FBXW2: variants seen among roughly 807,000 people sequenced by gnomAD.
FBXW2 encodes the protein F-box/WD repeat-containing protein 2.
In FBXW2, 12 loss-of-function variants were observed where a neutral mutation model predicts 46.0. That is an observed-to-expected ratio of 0.26 (90% CI 0.17 to 0.42). FBXW2 has a LOEUF of 0.42. FBXW2 is among the 10% of genes least tolerant of loss of function. The pLI is 1.00. For missense variants in FBXW2, 360 were observed against 537.0 expected (o/e 0.67, Z 3.26); for synonymous variants, 203 against 209.6 (o/e 0.97, Z 0.27).
chr9:120,772,307 A>G (rs1191252206), intron 6 of FBXW2, among the ~76,000 whole-genome samples: 1 of 152,016 alleles, frequency 6.6e-6, no homozygotes, highest in Non-Finnish European at 1.5e-5. Context: ...AGCCTGGCCA[A>G]TATGGTGAAC....
intron 3 of FBXW2, among the ~76,000 whole-genome samples, chr9:120,782,600 A>T (rs2044639104): frequency 6.6e-6 from 1 of 152,160 alleles, no homozygotes; most frequent in African/African-American, 2.4e-5. Context: ...CCAACACTTC[A>T]GGAAGCTGAG....
intron 7 of FBXW2, among the ~76,000 whole-genome samples, chr9:120,765,653 C>T (rs1415016808): frequency 6.6e-6 from 1 of 152,110 alleles, no homozygotes; most frequent in Non-Finnish European, 1.5e-5. Context: ...AACCTGAAAG[C>T]CAAGTGACTA....
chr9:120,789,177 G>C (rs1183889432), intron 2 of FBXW2, among the ~76,000 whole-genome samples: 1 of 152,028 alleles, frequency 6.6e-6, no homozygotes, highest in Non-Finnish European at 1.5e-5. Context: ...ATATTCACAG[G>C]GCTACTAAAT....
chr9:120,778,342 G>A lies in FBXW2; in HGVS notation c.685+9C>T. The A allele has an allele frequency of 6.2e-7, 1 of 1,608,126 alleles. No homozygotes were observed. Among genetic ancestry groups the A allele is most frequent in the Non-Finnish European group, 8.5e-7 (1 of 1,177,944 alleles). On this transcript the variant is annotated intron_variant, in intron 4 of 7. Coordinates refer to ENST00000608872, the MANE Select transcript of FBXW2 (RefSeq NM_012164.4). ...AAGTTGTAAAAACCCTTGAAAAAGG[G>A]CAACCCACCCGCCCCCGTGTGCCCC... is the stretch of plus-strand genomic sequence containing the variant.
chr9:120,774,378 G>A (rs1442685213), intron 5 of FBXW2, among the ~76,000 whole-genome samples: 6 of 151,906 alleles, frequency 3.9e-5, no homozygotes, highest in Non-Finnish European at 7.4e-5. Context: ...TCAGTGTGGT[G>A]GCACGTGGCT....
chr9:120,781,020 A>G (rs1220878899), intron 3 of FBXW2, among the ~76,000 whole-genome samples: 1 of 152,022 alleles, frequency 6.6e-6, no homozygotes, highest in Non-Finnish European at 1.5e-5. Context: ...GACTGTTTCA[A>G]GAAAGAATAT....
chr9:120,766,456 TTTAA>T (rs1247014633), intron 7 of FBXW2, among the ~76,000 whole-genome samples: 1 of 152,164 alleles, frequency 6.6e-6, no homozygotes, highest in Non-Finnish European at 1.5e-5. Context: ...TGTTATCTTT[TTTAA>T]TTATTTTTAT....
At chr9:120,772,658 C>A in intron 6 of FBXW2, 96 bp downstream of exon 6, 1 of 767,518 alleles carries the variant, frequency 1.3e-6, no homozygotes. Flanking sequence ...TCCCCCTCCT[C>A]TTCCTAGAAT....
intron 7 of FBXW2, among the ~76,000 whole-genome samples, chr9:120,769,717 A>G (rs546379889): frequency 9.8e-5 from 15 of 152,354 alleles, no homozygotes; most frequent in African/African-American, 2.2e-4. Flanking sequence ...TTCTAGTACC[A>G]TAAGTATATA....
intron 3 of FBXW2, among the ~76,000 whole-genome samples, chr9:120,785,385 T>A (rs2044699309): frequency 6.6e-6 from 1 of 152,134 alleles, no homozygotes; most frequent in African/African-American, 2.4e-5. Context: ...AGAAAGTACA[T>A]CAAAGCCTAG....
Position 120,764,641 on chromosome 9 carries a change from C to G in FBXW2, c.1283G>C (p.Gly428Ala). The G allele has an allele frequency of 6.2e-7, 1 of 1,614,188 alleles. No homozygotes were observed. The highest frequency in any genetic ancestry group is 2.2e-5 in the East Asian group (1 of 44,874). Reference protein sequence around the residue: ...GEASWLNGLDGHNDTGLVFAT... With the variant: ...GEASWLNGLDAHNDTGLVFAT... ...AAAGACCAAGCCCGTGTCATTGTGC[C>G]CATCCAGTCCATTCAGCCAGGATGC... The change falls in exon 8 of 8, where the codon GGG becomes GCG. Residue 428 changes from glycine (G) to alanine (A), a missense_variant. Gly to Ala is a moderately conservative substitution (Grantham distance 60). Coordinates refer to ENST00000608872, the MANE Select transcript of FBXW2 (RefSeq NM_012164.4).
At position 120,759,369 on chromosome 9, in the gene FBXW2, C is replaced by T. The variant is rs1472878035; in HGVS notation, c.*5190G>A. 6.6e-6 allele frequency: 1 copy of T among 152,182 alleles called. No homozygotes were observed. Among genetic ancestry groups the T allele is most frequent in the East Asian group, 1.9e-4 (1 of 5,200 alleles). 9.4% of individuals were successfully genotyped at this position (152,182 alleles called of 1,614,324 possible). A position where few individuals can be genotyped will look rare whatever the true frequency, so the allele number is the denominator to read the frequency against. On this transcript the variant is annotated 3_prime_UTR_variant, in exon 8 of 8. Transcript: ENST00000608872. ...GTGCTTCTATGATGCAAGAAAATAACTTCTCATCTTAGAGACATCTTGTTC... is the reference window on the plus strand; with the variant it reads ...GTGCTTCTATGATGCAAGAAAATAATTTCTCATCTTAGAGACATCTTGTTC...
Position 120,757,000 on chromosome 9 carries a change from A to G in FBXW2, c.*7559T>C, listed in dbSNP as rs578185188. The G allele has an allele frequency of 1.2e-4, 19 of 152,348 alleles. No individual in the cohort carries two copies. The highest frequency in any genetic ancestry group is 1.6e-4 in the Non-Finnish European group (11 of 68,024). The allele number at this position is 152,348 out of a possible 1,614,324, so 9.4% of individuals were successfully genotyped here. A position where few individuals can be genotyped will look rare whatever the true frequency, so the allele number is the denominator to read the frequency against. ...TGGGTTGAACTATTATTTCTAAATC[A>G]GTGATAATTAGATTAGTGAAATTTT... On this transcript the variant is annotated 3_prime_UTR_variant, in exon 8 of 8. Transcript: ENST00000608872.
intron 7 of FBXW2, 69 bp from the exon 8 acceptor site, chr9:120,764,916 T>C (rs1054814302): frequency 8.1e-7 from 1 of 1,241,626 alleles, no homozygotes; most frequent in Non-Finnish European, 1.1e-6. Context: ...CTGTAATCTT[T>C]TCTGGAGATA....
intron 3 of FBXW2, among the ~76,000 whole-genome samples, chr9:120,785,172 C>T (rs1351837025): frequency 6.6e-6 from 1 of 151,864 alleles, no homozygotes; most frequent in East Asian, 2.0e-4. Flanking sequence ...GCACACCCAG[C>T]TGTTTTTTTA....
At chr9:120,770,452 G>A (rs1437828633) in intron 7 of FBXW2, among the ~76,000 whole-genome samples, 2 of 151,902 alleles carry the variant, frequency 1.3e-5, no homozygotes, top group Non-Finnish European at 2.9e-5. Flanking sequence ...GCTATGGGAC[G>A]CTAACTTTTT....
At chr9:120,782,023 CAAA>C (rs35159726) in intron 3 of FBXW2, among the ~76,000 whole-genome samples, 8 of 76,332 alleles carry the variant, frequency 1.0e-4, no homozygotes, top group African/African-American at 5.3e-5. Flanking sequence ...AACTCCGTCT[CAAA>C]AAAAAAAAAA....
intron 5 of FBXW2, among the ~76,000 whole-genome samples, 165 bp downstream of exon 5, chr9:120,775,928 T>C (rs1405075087): frequency 6.6e-6 from 1 of 152,198 alleles, no homozygotes. Flanking sequence ...AAACCATGTA[T>C]TAAGTACCTT....
intron 2 of FBXW2, among the ~76,000 whole-genome samples, chr9:120,791,090 A>G (rs2044830431): frequency 6.6e-6 from 1 of 152,194 alleles, no homozygotes; most frequent in African/African-American, 2.4e-5. Context: ...TGCACTATTT[A>G]AAAAACACCA....
Sources: allele counts gnomAD v4.1 joint callset (sites outside exome capture counted in the v4.1 genomes callset), GRCh38; gene constraint gnomAD v4.1.1; transcripts MANE v1.5; gene names NCBI Gene and HGNC (gene_info 2026-07-23, HGNC 2026-07-21).